The following NCAM1 variants were observed in gnomAD, a reference collection of about 807,000 sequenced individuals.
NCAM1 encodes the protein neural cell adhesion molecule 1, also known as antigen recognized by monoclonal antibody 5.1H11.
A neutral mutation model predicts 109.8 loss-of-function variants in NCAM1; 14 were observed. The ratio of observed to expected loss-of-function variants is 0.13; its 90% CI spans 0.08 to 0.20. NCAM1 has a LOEUF of 0.20. Ranked by LOEUF, NCAM1 falls within the 10% of genes least tolerant of loss-of-function variation. NCAM1 has a pLI of 1.00. For missense variants in NCAM1, 774 were observed against 1,109.9 expected (o/e 0.70, Z 4.30); for synonymous variants, 418 against 442.9 (o/e 0.94, Z 0.70).
At chr11:113,194,597 T>C (rs1807939) in intron 1 of NCAM1, among the ~76,000 whole-genome samples, 78,472 of 152,068 alleles carry the variant, frequency 0.52, 21,800 homozygotes, top group East Asian at 0.73. Context: ...CTGTATGGCT[T>C]GTCTTTATAC....
chr11:113,124,615 T>G (rs1555096690), intron 1 of NCAM1, among the ~76,000 whole-genome samples: 1 of 152,228 alleles, frequency 6.6e-6, no homozygotes, highest in African/African-American at 2.4e-5. Context: ...TGTATTTCAT[T>G]CTTTGGCATA....
In NCAM1 at chr11:113,053,149, C is replaced by T. The variant is rs1489802124; in HGVS notation, c.52+91485C>T. Among the ~76,000 whole-genome samples the T allele has an allele frequency of 7.2e-5, 11 of 152,304 alleles. 1 individual carries two copies. The highest frequency in any genetic ancestry group is 7.2e-4 in the Admixed American group (11 of 15,292). ...TTCAGCTCTCACTTATGAGTGAGAA[C>T]ATGCGGTGTTTGGTTTTCTGTTCCT... On this transcript the variant is annotated intron_variant, in intron 1 of 19. Coordinates refer to ENST00000316851, the MANE Select transcript of NCAM1 (RefSeq NM_181351.5).
intron 9 of NCAM1, among the ~76,000 whole-genome samples, chr11:113,228,967 A>C (rs571926604): frequency 2.6e-4 from 39 of 152,360 alleles, no homozygotes; most frequent in African/African-American, 9.4e-4. Flanking sequence ...TTAGACCTAA[A>C]ACCATAAAAA....
At chr11:113,052,547 T>A (rs143600244) in intron 1 of NCAM1, among the ~76,000 whole-genome samples, 1,679 of 152,200 alleles carry the variant, frequency 0.011, 15 homozygotes, top group South Asian at 0.028. Context: ...CCATAGTATG[T>A]CACTAAAAGG....
intron 1 of NCAM1, among the ~76,000 whole-genome samples, chr11:113,112,599 G>GA (rs1940493286): frequency 6.6e-6 from 1 of 152,056 alleles, no homozygotes; most frequent in South Asian, 2.1e-4. Flanking sequence ...TGAAAAATAA[G>GA]AAAAAACTGG....
intron 19 of NCAM1, among the ~76,000 whole-genome samples, chr11:113,272,251 G>A (rs1946299012): frequency 6.6e-6 from 1 of 152,140 alleles, no homozygotes; most frequent in Non-Finnish European, 1.5e-5. Flanking sequence ...CCCCCTGAAA[G>A]GATAAGGGAA....
intron 1 of NCAM1, among the ~76,000 whole-genome samples, chr11:113,198,646 T>C (rs1255893090): frequency 6.6e-6 from 1 of 152,220 alleles, no homozygotes; most frequent in Admixed American, 6.5e-5. Context: ...CGGCTGATGT[T>C]AGATCTTTGT....
chr11:113,248,551 TG>T (rs1392334893), intron 15 of NCAM1, among the ~76,000 whole-genome samples: 7 of 151,546 alleles, frequency 4.6e-5, no homozygotes, highest in Admixed American at 1.3e-4. Flanking sequence ...GAGAGTAAGC[TG>T]GGGGGTGAGG....
chr11:113,137,335 GT>G (rs1555099675), intron 1 of NCAM1, among the ~76,000 whole-genome samples: 1 of 152,242 alleles, frequency 6.6e-6, no homozygotes, highest in African/African-American at 2.4e-5. Flanking sequence ...CTGGTAGTAA[GT>G]TATTTAAAAG....
intron 1 of NCAM1, among the ~76,000 whole-genome samples, chr11:113,134,318 T>C (rs1941520064): frequency 6.6e-6 from 1 of 152,164 alleles, no homozygotes; most frequent in Non-Finnish European, 1.5e-5. Flanking sequence ...CCGGATTTTT[T>C]TTCGTTTTTT....
At chr11:113,201,124 C>T (rs557534089) in intron 1 of NCAM1, among the ~76,000 whole-genome samples, 3 of 152,222 alleles carry the variant, frequency 2.0e-5, no homozygotes, top group East Asian at 1.9e-4. Context: ...TGGCTTTCTC[C>T]GTGACCTGCC....
At chr11:113,154,769 G>A (rs782678560) in intron 1 of NCAM1, among the ~76,000 whole-genome samples, 2 of 152,182 alleles carry the variant, frequency 1.3e-5, no homozygotes, top group Non-Finnish European at 2.9e-5. Flanking sequence ...GGACAGAATT[G>A]TAAGGTCATG....
At chr11:112,979,322 G>A (rs1951090350) in intron 1 of NCAM1, among the ~76,000 whole-genome samples, 1 of 151,718 alleles carries the variant, frequency 6.6e-6, no homozygotes, top group Non-Finnish European at 1.5e-5. Context: ...TATTACTGAT[G>A]TACTTCTCCA....
chr11:113,251,519 T>A (rs1353160510), intron 15 of NCAM1, among the ~76,000 whole-genome samples: 6 of 152,202 alleles, frequency 3.9e-5, no homozygotes, highest in African/African-American at 1.4e-4. Flanking sequence ...GGGTTCATGA[T>A]TCACATCCTG....
chr11:113,149,600 C>T (rs182206815), intron 1 of NCAM1, among the ~76,000 whole-genome samples: 17 of 152,222 alleles, frequency 1.1e-4, no homozygotes, highest in Middle Eastern at 3.4e-3. Flanking sequence ...ATTTCTATTT[C>T]CCTCTCTGTC....
intron 1 of NCAM1, among the ~76,000 whole-genome samples, chr11:113,155,977 G>C (rs1555103406): frequency 1.3e-5 from 2 of 152,168 alleles, no homozygotes; most frequent in African/African-American, 4.8e-5. Context: ...CAAAAGATTG[G>C]TGGAGGGAAA....
chr11:113,217,071 G>T (rs1944552024), intron 8 of NCAM1, among the ~76,000 whole-genome samples: 3 of 152,314 alleles, frequency 2.0e-5, no homozygotes, highest in Non-Finnish European at 2.9e-5. Flanking sequence ...AAGAATAGAT[G>T]ATTGTATCTA....
intron 1 of NCAM1, chr11:113,041,177 T>TA (rs1361045968): frequency 1.2e-4 from 18 of 152,150 alleles, no homozygotes; most frequent in Non-Finnish European, 1.9e-4. Flanking sequence ...CAATACACAA[T>TA]AAAAAAATAG....
intron 14 of NCAM1, chr11:113,240,615 C>A (rs1945292720): frequency 1.5e-6 from 1 of 660,960 alleles, no homozygotes; most frequent in East Asian, 2.6e-5. Flanking sequence ...GAGAGCCCTG[C>A]TCCTCGCTAG....
Sources: gnomAD v4.1 joint callset for allele counts (sites outside exome capture counted in the v4.1 genomes callset) on GRCh38, gnomAD v4.1.1 for gene constraint, MANE v1.5 for transcripts, NCBI Gene and HGNC (gene_info 2026-07-23, HGNC 2026-07-21) for gene names.